Variants in CNOT4 observed in about 807,000 individuals in gnomAD.
CNOT4 encodes CCR4-associated factor 4.
CNOT4 carries 8 observed loss-of-function variants against 73.8 expected under a neutral mutation model. The observed-to-expected ratio is 0.11, with a 90% CI of 0.06 to 0.20. The LOEUF (loss-of-function observed/expected upper bound fraction) is 0.20. CNOT4 is among the 10% of genes least tolerant of loss of function. The pLI is 1.00. For missense variants in CNOT4, 564 were observed against 883.4 expected, an observed-to-expected ratio of 0.64 and a Z score of 4.58; for synonymous variants, 293 against 321.1, an observed-to-expected ratio of 0.91 and a Z score of 0.94.
intron 9 of CNOT4, 38 bp downstream of exon 9, chr7:135,395,596 G>C (rs1796633859): frequency 1.3e-6 from 2 of 1,586,178 alleles, no homozygotes; most frequent in Non-Finnish European, 1.7e-6. Flanking sequence ...AATACGTTAA[G>C]AGCATAATTA....
intron 10 of CNOT4, among the ~76,000 whole-genome samples, chr7:135,376,221 C>T (rs1019359226): frequency 4.6e-5 from 7 of 152,098 alleles, no homozygotes; most frequent in Admixed American, 2.6e-4. Flanking sequence ...TGCAGGCCTC[C>T]GAATTGACAC....
intron 1 of CNOT4, chr7:135,444,574 C>A: frequency 7.3e-7 from 1 of 1,373,404 alleles, no homozygotes; most frequent in Non-Finnish European, 1.0e-6. Flanking sequence ...CGACCTATCC[C>A]AGAATGATGT....
At chr7:135,498,547 A>ATGTT (rs574495055) in intron 1 of CNOT4, among the ~76,000 whole-genome samples, 2 of 151,986 alleles carry the variant, frequency 1.3e-5, no homozygotes, top group African/African-American at 4.8e-5. Flanking sequence ...TAAGGTTTTT[A>ATGTT]TGTTTGTTTG....
intron 10 of CNOT4, chr7:135,384,586 C>T (rs1796025636): frequency 1.4e-6 from 1 of 738,004 alleles, no homozygotes; most frequent in East Asian, 2.5e-5. Context: ...CGCCTGGCCA[C>T]CCACCTCTCT....
At chr7:135,504,295 ATTTTTTTTTTTT>A (rs754778391) in intron 1 of CNOT4, among the ~76,000 whole-genome samples, 4 of 140,872 alleles carry the variant, frequency 2.8e-5, no homozygotes, top group African/African-American at 7.8e-5. Flanking sequence ...AGATCTACTA[ATTTTTTTTTTTT>A]TTTTTGGAGA....
In CNOT4 at chr7:135,440,690, G is replaced by A. The variant is rs1799423993; in HGVS notation, c.-92-2267C>T. Among the ~76,000 whole-genome samples the A allele has an allele frequency of 2.0e-5, 3 of 152,140 alleles. No individual in the cohort carries two copies. In the South Asian group the frequency reaches 6.2e-4, roughly 32 times the overall value. ...TAATCCCAGCACTTGGAGAGGCCGA[G>A]GCAGGTGAATCACGAGGTCAAGAGA... is the stretch of plus-strand genomic sequence containing the variant. On this transcript the variant is annotated intron_variant, in intron 1 of 11. Transcript: ENST00000541284.
intron 1 of CNOT4, chr7:135,444,476 T>G: frequency 1.3e-6 from 1 of 789,556 alleles, no homozygotes; most frequent in South Asian, 1.3e-5. Flanking sequence ...GGAGGCTGAG[T>G]GCCCTTTGCA....
chr7:135,384,292 T>C (rs74878129), intron 10 of CNOT4: 1,504 of 151,746 alleles, frequency 9.9e-3, no homozygotes, highest in South Asian at 0.023. Context: ...TCTCTCTCTT[T>C]TTTTTTTTTT....
chr7:135,480,390 G>T (rs770880859), intron 1 of CNOT4, among the ~76,000 whole-genome samples: 3 of 152,100 alleles, frequency 2.0e-5, no homozygotes, highest in Non-Finnish European at 4.4e-5. Context: ...TCCACTTCAA[G>T]TGGATTACTA....
chr7:135,434,319 G>A (rs990730002), intron 2 of CNOT4, among the ~76,000 whole-genome samples: 5 of 152,212 alleles, frequency 3.3e-5, no homozygotes, highest in Non-Finnish European at 7.3e-5. Flanking sequence ...GCTGCGCTGA[G>A]CAGATTCTCT....
At chr7:135,443,188 CAAAAAAA>C (rs61062618) in intron 1 of CNOT4, among the ~76,000 whole-genome samples, 1 of 133,948 alleles carries the variant, frequency 7.5e-6, no homozygotes, top group Non-Finnish European at 1.6e-5. Context: ...CTATCTCTAC[CAAAAAAA>C]AAAAAAAAAA....
chr7:135,395,684 G>T lies in CNOT4; in HGVS notation c.1079C>A (p.Thr360Lys). The change falls in exon 9 of 12, where the codon ACA becomes AAA. Residue 360 changes from threonine (T) to lysine (K), a missense_variant. This residue lies in a region of CNOT4 where 135 missense variants were observed against 154.0 expected (regional missense o/e 0.88). Coordinates refer to ENST00000541284, the MANE Select transcript of CNOT4 (RefSeq NM_001190850.2). The part of the protein sequence containing the change: ...GLPPFPSSPQ[T>K]SSDWPTAPEP... ...TGGTGCTGTAGGCCAGTCACTGGAT[G>T]TCTGTGGGGAGCTGGGGAAAGGAGG... is the stretch of plus-strand genomic sequence containing the variant. 6.2e-7 allele frequency: 1 copy of T among 1,614,160 alleles called. No individual in the cohort carries two copies. Among genetic ancestry groups the T allele is most frequent in the Non-Finnish European group, 8.5e-7 (1 of 1,180,010 alleles).
At chr7:135,402,724 AG>A (rs1257468903) in intron 7 of CNOT4, among the ~76,000 whole-genome samples, 2 of 151,816 alleles carry the variant, frequency 1.3e-5, no homozygotes, top group African/African-American at 4.9e-5. Context: ...TTACAGATAA[AG>A]AAATCAAATT....
chr7:135,447,848 T>C (rs1799921706), intron 1 of CNOT4, among the ~76,000 whole-genome samples: 1 of 152,228 alleles, frequency 6.6e-6, no homozygotes, highest in African/African-American at 2.4e-5. Context: ...GTACATGCAG[T>C]GACCTCGAGA....
chr7:135,472,858 A>G (rs999099454), intron 1 of CNOT4, among the ~76,000 whole-genome samples: 3 of 151,900 alleles, frequency 2.0e-5, no homozygotes, highest in Admixed American at 6.6e-5. Flanking sequence ...TGGGAAACAC[A>G]GGGAGACCCT....
intron 1 of CNOT4, among the ~76,000 whole-genome samples, chr7:135,454,331 CA>C (rs1800387977): frequency 6.6e-6 from 1 of 151,890 alleles, no homozygotes; most frequent in Non-Finnish European, 1.5e-5. Flanking sequence ...GAAAGTCTCA[CA>C]GAGAATGTAT....
chr7:135,364,127 CAT>C lies in CNOT4; in HGVS notation c.1628-63_1628-62del. 2 of 1,240,412 alleles carry C rather than the reference CAT, an allele frequency of 1.6e-6. No individual in the cohort carries two copies. Among genetic ancestry groups the C allele is most frequent in the East Asian group, 2.3e-5 (1 of 42,652 alleles). The allele number at this position is 1,240,412 out of a possible 1,614,324, so 76.8% of individuals were successfully genotyped here. A position where few individuals can be genotyped will look rare whatever the true frequency, so the allele number is the denominator to read the frequency against. On this transcript the variant is annotated intron_variant, in intron 10 of 11. Coordinates refer to ENST00000541284, the MANE Select transcript of CNOT4 (RefSeq NM_001190850.2). The surrounding 1 kb of genome is among the most constrained non-coding windows in gnomAD (Gnocchi z 4.3). ...AAAAAATAAAAAGCTACGTTAGAAA[CAT>C]ATGTTGTTCTTTAGTGGTTAAGCGG...
At chr7:135,463,020 CA>C (rs1323246641) in intron 1 of CNOT4, among the ~76,000 whole-genome samples, 1 of 152,150 alleles carries the variant, frequency 6.6e-6, no homozygotes, top group Non-Finnish European at 1.5e-5. Context: ...TCAGCTTTGT[CA>C]AAGAACAGAC....
At chr7:135,392,517 T>C (rs542996791) in intron 10 of CNOT4, among the ~76,000 whole-genome samples, 20 of 152,118 alleles carry the variant, frequency 1.3e-4, no homozygotes, top group Non-Finnish European at 2.5e-4. Flanking sequence ...GAAAATTACA[T>C]TCTAATATGC....
Sources: allele counts gnomAD v4.1 joint callset (sites outside exome capture counted in the v4.1 genomes callset), GRCh38; gene constraint gnomAD v4.1.1; regional missense constraint gnomAD v4.1.1; non-coding constraint Gnocchi (gnomAD v3.1); transcripts MANE v1.5; gene names NCBI Gene and HGNC (gene_info 2026-07-23, HGNC 2026-07-21).